The following NTN1 variants were observed in gnomAD, a reference collection of about 807,000 sequenced individuals.
NTN1 encodes netrin 1, also known as netrin-1.
Under a neutral mutation model 54.2 loss-of-function variants are expected in NTN1, and 11 were observed. The ratio of observed to expected loss-of-function variants is 0.20; its 90% CI spans 0.13 to 0.34. The LOEUF is 0.34. NTN1 is among the 10% of genes least tolerant of loss of function. The probability of loss-of-function intolerance (pLI) is 1.00; values close to 1 mark genes in which losing one functional copy is unlikely to be tolerated. For missense variants in NTN1, 740 were observed against 893.1 expected (o/e 0.83, Z 2.18); for synonymous variants, 371 against 382.0 (o/e 0.97, Z 0.33).
At chr17:9,094,924 G>T (rs12951242) in intron 2 of NTN1, among the ~76,000 whole-genome samples, 25,248 of 149,240 alleles carry the variant, frequency 0.17, 2,388 homozygotes, top group Non-Finnish European at 0.21. Flanking sequence ...AGGAGGCAGA[G>T]GTTGCAGTGA....
chr17:9,066,107 A>G (rs547521687), intron 2 of NTN1, among the ~76,000 whole-genome samples: 2 of 152,340 alleles, frequency 1.3e-5, no homozygotes, highest in East Asian at 1.9e-4. Context: ...TGTCCGGTCA[A>G]GAAGATCACT....
At chr17:9,033,865 A>C (rs2091895045) in intron 2 of NTN1, among the ~76,000 whole-genome samples, 1 of 151,048 alleles carries the variant, frequency 6.6e-6, no homozygotes, top group East Asian at 1.9e-4. Flanking sequence ...TGCAGTGAGC[A>C]GAGATCACAC....
At chr17:9,079,898 T>A (rs1315103741) in intron 2 of NTN1, among the ~76,000 whole-genome samples, 1 of 151,476 alleles carries the variant, frequency 6.6e-6, no homozygotes, top group Non-Finnish European at 1.5e-5. Flanking sequence ...GCAGGCTTGT[T>A]TACTGGCCCC....
upstream of NTN1, among the ~76,000 whole-genome samples, chr17:9,017,776 G>A (rs570775739): frequency 1.3e-5 from 2 of 152,264 alleles, no homozygotes; most frequent in South Asian, 2.1e-4. Flanking sequence ...ATTTATCACC[G>A]CCACTTTAAG....
At chr17:9,183,379 G>A (rs1454373042) in intron 5 of NTN1, 3 of 483,784 alleles carry the variant, frequency 6.2e-6, no homozygotes, top group Non-Finnish European at 1.3e-5. Flanking sequence ...AGAATGCAGG[G>A]GGCCCAGGAG....
upstream of NTN1, among the ~76,000 whole-genome samples, chr17:9,021,341 T>C (rs2091846402): frequency 6.6e-6 from 1 of 150,766 alleles, no homozygotes; most frequent in South Asian, 2.1e-4. Flanking sequence ...GCTCCCGGGT[T>C]CCCACCCGCC....
In NTN1 at chr17:9,135,154, C is replaced by T. The variant is rs1453306755; in HGVS notation, c.1019-27659C>T. 1.3e-5 allele frequency among the ~76,000 whole-genome samples: 2 copies of T among 152,232 alleles called. No individual in the cohort carries two copies. Among genetic ancestry groups the T allele is most frequent in the African/African-American group, 4.8e-5 (2 of 41,458 alleles). ...TGATGCTCCCGGCCCATCCTCCCTT[C>T]TCTACCCCATTCCTTTGTCTTTGCT... On this transcript the variant is annotated intron_variant, in intron 2 of 6. Coordinates refer to ENST00000173229, the MANE Select transcript of NTN1 (RefSeq NM_004822.3). This position sits in a 1 kb window ranked among gnomAD's most constrained non-coding sequence, Gnocchi z 4.4.
chr17:9,229,464 C>T (rs61641086), intron 6 of NTN1, among the ~76,000 whole-genome samples: 2,521 of 152,208 alleles, frequency 0.017, 66 homozygotes, highest in African/African-American at 0.057. Flanking sequence ...AAATACTCTG[C>T]GCGGGATTAG....
intron 2 of NTN1, among the ~76,000 whole-genome samples, chr17:9,102,880 C>T (rs72811909): frequency 0.074 from 11,249 of 152,252 alleles, 578 homozygotes; most frequent in Middle Eastern, 0.15. Flanking sequence ...GCATACTCTA[C>T]GATTCCATTT....
chr17:9,221,146 C>CG lies in NTN1; in HGVS notation c.1412-22_1412-21insG. Reference sequence around the variant, plus strand: ...CCAGCCTAATTAGTTTTTGTCTGTGCTCCCCCCCCACCCCCCTGCAGACTG... The same window carrying CG: ...CCAGCCTAATTAGTTTTTGTCTGTGCGTCCCCCCCCACCCCCCTGCAGACTG... On this transcript the variant is annotated intron_variant, in intron 5 of 6. Coordinates refer to ENST00000173229, the MANE Select transcript of NTN1 (RefSeq NM_004822.3). This position sits in a 1 kb window ranked among gnomAD's most constrained non-coding sequence, Gnocchi z 4.5. The CG allele has an allele frequency of 6.9e-7, 1 of 1,457,200 alleles. No individual in the cohort carries two copies. Among genetic ancestry groups the CG allele is most frequent in the South Asian group, 1.1e-5 (1 of 87,514 alleles). 90.3% of individuals were successfully genotyped at this position (1,457,200 alleles called of 1,614,324 possible).
chr17:9,210,880 TG>T (rs1408591836), intron 5 of NTN1, among the ~76,000 whole-genome samples: 1 of 115,960 alleles, frequency 8.6e-6, no homozygotes, highest in Non-Finnish European at 1.6e-5. Context: ...CACTCCAGCT[TG>T]GGCTACAGAG....
chr17:9,052,745 T>C (rs966541324), intron 2 of NTN1, among the ~76,000 whole-genome samples: 9 of 152,178 alleles, frequency 5.9e-5, no homozygotes, highest in Non-Finnish European at 1.2e-4. Context: ...AGACCCTGTC[T>C]CCAAGACAAA....
intron 2 of NTN1, among the ~76,000 whole-genome samples, chr17:9,075,497 A>C (rs1567704254): frequency 6.6e-6 from 1 of 152,162 alleles, no homozygotes; most frequent in Non-Finnish European, 1.5e-5. Context: ...AAACAAAAAC[A>C]AAACAAACAA....
intron 2 of NTN1, among the ~76,000 whole-genome samples, chr17:9,120,128 T>A (rs919145182): frequency 2.0e-5 from 3 of 151,682 alleles, no homozygotes; most frequent in African/African-American, 7.3e-5. Context: ...AAAATATTTT[T>A]AAAAAAATTA....
intron 6 of NTN1, among the ~76,000 whole-genome samples, chr17:9,234,274 TGA>T (rs983985993): frequency 6.6e-6 from 1 of 152,186 alleles, no homozygotes; most frequent in African/African-American, 2.4e-5. Context: ...CCAGAATTGC[TGA>T]GAGGGAGGGC....
intron 2 of NTN1, among the ~76,000 whole-genome samples, chr17:9,131,224 A>G (rs1300289970): frequency 6.6e-6 from 1 of 152,166 alleles, no homozygotes; most frequent in Non-Finnish European, 1.5e-5. Flanking sequence ...GTAGAAAACC[A>G]TAACACCTTT....
At chr17:9,208,673 C>T (rs1905027699) in intron 5 of NTN1, among the ~76,000 whole-genome samples, 1 of 152,184 alleles carries the variant, frequency 6.6e-6, no homozygotes, top group Non-Finnish European at 1.5e-5. Context: ...TACCCAAGAG[C>T]TTAGGTCCTG....
chr17:9,062,078 A>G (rs1272083351), intron 2 of NTN1, among the ~76,000 whole-genome samples: 2 of 152,160 alleles, frequency 1.3e-5, no homozygotes, highest in African/African-American at 4.8e-5. Context: ...TGTGAGAGCA[A>G]TCACTCATTA....
the NTN1 span, among the ~76,000 whole-genome samples, chr17:9,016,089 A>G: frequency 3.3e-5 from 5 of 151,812 alleles, no homozygotes; most frequent in Non-Finnish European, 7.4e-5. Context: ...AAAAGCAAAA[A>G]CAAAAAAACC....
Sources: gnomAD v4.1 joint callset for allele counts (sites outside exome capture counted in the v4.1 genomes callset) on GRCh38, gnomAD v4.1.1 for gene constraint, Gnocchi (gnomAD v3.1) non-coding constraint, MANE v1.5 for transcripts, NCBI Gene and HGNC (gene_info 2026-07-23, HGNC 2026-07-21) for gene names.